Variants in SHISAL1 observed in about 807,000 individuals in gnomAD.
SHISAL1 encodes the protein shisa like 1.
In SHISAL1, 9 loss-of-function variants were observed where a neutral mutation model predicts 22.6. That is an observed-to-expected ratio of 0.40 (90% CI 0.24 to 0.70). The LOEUF is 0.70. Among genes scored for constraint, SHISAL1 ranks in the 30% least tolerant of loss-of-function variants. SHISAL1 has a pLI of 0.39. For missense variants in SHISAL1, 246 were observed against 270.6 expected, an observed-to-expected ratio of 0.91 and a Z score of 0.64; for synonymous variants, 119 against 115.4, an observed-to-expected ratio of 1.03 and a Z score of -0.20.
chr22:44,314,061 G>A (rs944505508), upstream of SHISAL1, among the ~76,000 whole-genome samples: 2 of 152,022 alleles, frequency 1.3e-5, no homozygotes, highest in Non-Finnish European at 2.9e-5. Flanking sequence ...TTCATGATTA[G>A]GAGGGGCTGT....
At chr22:44,319,026 T>C in the SHISAL1 span, among the ~76,000 whole-genome samples, 9 of 152,238 alleles carry the variant, frequency 5.9e-5, no homozygotes, top group African/African-American at 1.7e-4. Context: ...AAGGGTCCCG[T>C]TGTACCATGG....
At chr22:44,318,183 C>G in the SHISAL1 span, among the ~76,000 whole-genome samples, 18 of 152,258 alleles carry the variant, frequency 1.2e-4, no homozygotes, top group Non-Finnish European at 2.5e-4. Flanking sequence ...ATGCACCAGG[C>G]TTCAAGAGAA....
intron 4 of SHISAL1, among the ~76,000 whole-genome samples, chr22:44,263,004 TGTTA>T (rs1005585358): frequency 3.9e-5 from 6 of 151,970 alleles, no homozygotes; most frequent in Non-Finnish European, 5.9e-5. Context: ...CAACAGCTTC[TGTTA>T]GTTAGTTGGT....
chr22:44,298,937 G>A (rs747611020), intron 2 of SHISAL1, among the ~76,000 whole-genome samples: 1 of 152,230 alleles, frequency 6.6e-6, no homozygotes, highest in African/African-American at 2.4e-5. Context: ...GCCCTGGGCT[G>A]GGAGCCGGGA....
intron 2 of SHISAL1, among the ~76,000 whole-genome samples, chr22:44,297,681 G>A (rs1021686825): frequency 1.1e-4 from 17 of 152,374 alleles, no homozygotes; most frequent in South Asian, 4.1e-4. Context: ...TGGTATTTAC[G>A]AGTCGTGCCG....
chr22:44,284,594 C>A (rs1422114216), intron 4 of SHISAL1, among the ~76,000 whole-genome samples: 2 of 152,146 alleles, frequency 1.3e-5, no homozygotes, highest in Admixed American at 6.5e-5. Flanking sequence ...TCAGCCCCCA[C>A]AGAGCATCCG....
upstream of SHISAL1, among the ~76,000 whole-genome samples, chr22:44,313,044 C>A (rs1346575267): frequency 1.3e-5 from 2 of 152,210 alleles, no homozygotes; most frequent in Non-Finnish European, 2.9e-5. Flanking sequence ...CTCCCAGGCC[C>A]AGGATGGCAG....
chr22:44,283,735 A>G (rs1194109720), intron 4 of SHISAL1, among the ~76,000 whole-genome samples: 3 of 152,180 alleles, frequency 2.0e-5, no homozygotes, highest in African/African-American at 7.2e-5. Flanking sequence ...TAAACGGAAG[A>G]TTCTCAGCTA....
chr22:44,274,582 C>T (rs1239973936), intron 4 of SHISAL1, among the ~76,000 whole-genome samples: 4 of 152,116 alleles, frequency 2.6e-5, no homozygotes, highest in African/African-American at 9.7e-5. Flanking sequence ...GTATAAACGC[C>T]CCGCTGTAGG....
intron 4 of SHISAL1, among the ~76,000 whole-genome samples, chr22:44,262,458 T>C (rs988113612): frequency 3.9e-5 from 6 of 152,336 alleles, no homozygotes; most frequent in Non-Finnish European, 8.8e-5. Context: ...TTATCTCTTC[T>C]GTGCCGGGCA....
At chr22:44,293,286 G>A (rs761713537) in intron 3 of SHISAL1, among the ~76,000 whole-genome samples, 5 of 152,204 alleles carry the variant, frequency 3.3e-5, no homozygotes, top group Non-Finnish European at 4.4e-5. Context: ...CTATGGAGAG[G>A]GAAGGCGGCG....
intron 4 of SHISAL1, among the ~76,000 whole-genome samples, chr22:44,276,867 G>A (rs554281969): frequency 1.3e-5 from 2 of 152,010 alleles, no homozygotes; most frequent in Non-Finnish European, 2.9e-5. Flanking sequence ...AGGGAGGAGC[G>A]CTTGTGTCTA....
the SHISAL1 span, among the ~76,000 whole-genome samples, chr22:44,321,126 C>T: frequency 2.0e-5 from 3 of 152,150 alleles, no homozygotes; most frequent in Admixed American, 6.5e-5. Flanking sequence ...GCCCCGGGCA[C>T]AGCAGTGAGA....
rs767290098 is a variant in SHISAL1, at chr22:44,243,681, T to C, written c.*6004A>G. The C allele has an allele frequency of 6.6e-5, 10 of 152,212 alleles. No homozygotes were observed. The highest frequency in any genetic ancestry group is 3.3e-4 in the Admixed American group (5 of 15,272). The allele number at this position is 152,212 out of a possible 1,614,324, so 9.4% of individuals were successfully genotyped here. A position where few individuals can be genotyped will look rare whatever the true frequency, so the allele number is the denominator to read the frequency against. Reference sequence around the variant, plus strand: ...ACGTCAATCTAGGGAACAGTTGACATGACACTCCTTTATTAAAACCTAGGG... The same window carrying C: ...ACGTCAATCTAGGGAACAGTTGACACGACACTCCTTTATTAAAACCTAGGG... On this transcript the variant is annotated 3_prime_UTR_variant, in exon 5 of 5. Coordinates refer to ENST00000381176, the MANE Select transcript of SHISAL1 (RefSeq NM_001099294.2).
In SHISAL1 at chr22:44,310,935, T is replaced by C. The variant is rs1310535176; in HGVS notation, c.-33+1816A>G. On this transcript the variant is annotated intron_variant, in intron 1 of 4. Transcript: ENST00000381176. The surrounding 1 kb of genome is among the most constrained non-coding windows in gnomAD (Gnocchi z 4.0). ...GTGCTGAATAAATGTCTGCCGGCCA[T>C]AGAGTAGGAACTCCATTAGCACTCG... Among the ~76,000 whole-genome samples, 2 of 152,062 alleles carry C rather than the reference T, an allele frequency of 1.3e-5. No individual in the cohort carries two copies. The highest frequency in any genetic ancestry group is 2.9e-5 in the Non-Finnish European group (2 of 68,002).
At chr22:44,273,290 C>G (rs891460635) in intron 4 of SHISAL1, among the ~76,000 whole-genome samples, 1 of 152,100 alleles carries the variant, frequency 6.6e-6, no homozygotes, top group Non-Finnish European at 1.5e-5. Context: ...GTCAATTTCC[C>G]GAGCGTAAAT....
chr22:44,309,878 G>A (rs369829579), intron 1 of SHISAL1, among the ~76,000 whole-genome samples: 4 of 152,166 alleles, frequency 2.6e-5, no homozygotes, highest in Non-Finnish European at 5.9e-5. Context: ...AACACTTCTC[G>A]AGGCTCCACG....
At chr22:44,285,924 G>A (rs1266860747) in intron 3 of SHISAL1, among the ~76,000 whole-genome samples, 179 bp from the exon 4 acceptor site, 4 of 152,106 alleles carry the variant, frequency 2.6e-5, no homozygotes, top group Non-Finnish European at 2.9e-5. Context: ...CTGCCTGTTC[G>A]CCTCCTTCCC....
intron 4 of SHISAL1, among the ~76,000 whole-genome samples, chr22:44,278,730 A>T (rs1417627914): frequency 6.6e-6 from 1 of 152,064 alleles, no homozygotes; most frequent in East Asian, 1.9e-4. Flanking sequence ...GTCCCGATGC[A>T]CCTCAGGGGC....
Sources: allele counts gnomAD v4.1 joint callset (sites outside exome capture counted in the v4.1 genomes callset), GRCh38; gene constraint gnomAD v4.1.1; non-coding constraint Gnocchi (gnomAD v3.1); transcripts MANE v1.5; gene names NCBI Gene and HGNC (gene_info 2026-07-23, HGNC 2026-07-21).